Variants in DNAH14 observed in about 807,000 individuals in gnomAD.
DNAH14 encodes the protein axonemal beta dynein heavy chain 14.
Under a neutral mutation model 520.9 loss-of-function variants are expected in DNAH14, and 478 were observed. The ratio of observed to expected loss-of-function variants is 0.92; its 90% confidence interval spans 0.85 to 0.99. The LOEUF (loss-of-function observed/expected upper bound fraction) is 0.99. Among genes scored for constraint, DNAH14 ranks in the 50% least tolerant of loss-of-function variants. DNAH14 has a pLI of 0.00. For synonymous variants in DNAH14, 1,581 were observed against 1,757.2 expected (o/e 0.90, Z 2.51); for missense variants, 4,831 against 5,234.5 (o/e 0.92, Z 2.38).
chr1:225,285,067 A>G (rs975908458), intron 54 of DNAH14, among the ~76,000 whole-genome samples: 3 of 152,224 alleles, frequency 2.0e-5, no homozygotes, highest in Non-Finnish European at 4.4e-5. Flanking sequence ...AAGATTGAGA[A>G]CAAAGCAAGA....
At chr1:225,035,969 C>T (rs954219755) in intron 11 of DNAH14, among the ~76,000 whole-genome samples, 1 of 151,864 alleles carries the variant, frequency 6.6e-6, no homozygotes, top group Non-Finnish European at 1.5e-5. Context: ...GTTTATCTTT[C>T]CCTTTAGATC....
intron 41 of DNAH14, among the ~76,000 whole-genome samples, chr1:225,209,956 G>A (rs563018378): frequency 3.3e-5 from 5 of 152,254 alleles, no homozygotes; most frequent in African/African-American, 1.2e-4. Context: ...ATGAGGAACA[G>A]TGCATTCTGG....
chr1:225,079,450 A>G lies in DNAH14; in HGVS notation c.2668A>G (p.Ser890Gly). Reference protein sequence around the residue: ...FSQLKSSMKLSKINKDTAITK... With the variant: ...FSQLKSSMKLGKINKDTAITK... ...TCAACTAAAATCATCTATGAAGTTA[A>G]GTAAAATAAATAAAGACACTGCTAT... The change falls in exon 18 of 86, where the codon AGT (serine) becomes GGT (glycine). Residue 890 changes from serine to glycine, a missense_variant. Coordinates refer to ENST00000682510, the MANE Select transcript of DNAH14 (RefSeq NM_001367479.1). 6.5e-7 allele frequency: 1 copy of G among 1,548,330 alleles called. No individual in the cohort carries two copies. Among genetic ancestry groups the G allele is most frequent in the Non-Finnish European group, 8.7e-7 (1 of 1,146,188 alleles).
chr1:225,171,633 T>G (rs1391196456), intron 36 of DNAH14, among the ~76,000 whole-genome samples: 1 of 152,078 alleles, frequency 6.6e-6, no homozygotes, highest in African/African-American at 2.4e-5. Context: ...AATTAATAGC[T>G]TACCAACCAA....
Position 225,080,618 on chromosome 1 carries a change from A to C in DNAH14, c.3006A>C (p.Leu1002=). Reference sequence around the variant, plus strand: ...GTGACTTGACTTTGAGGAAAAAACTATGGGAAGCACAAGAGGAGTGGAAGC... The same window carrying C: ...GTGACTTGACTTTGAGGAAAAAACTCTGGGAAGCACAAGAGGAGTGGAAGC... The part of the protein sequence containing the change: ...IEGDLTLRKK[L]WEAQEEWKRA... Residue 1002 remains leucine (L), a synonymous_variant, in exon 19 of 86, where the codon CTA becomes CTC. Transcript: ENST00000682510. 1 of 1,552,186 alleles carries C rather than the reference A, an allele frequency of 6.4e-7. No individual in the cohort carries two copies. The highest frequency in any genetic ancestry group is 8.7e-7 in the Non-Finnish European group (1 of 1,147,092).
chr1:225,318,735 G>GT, intron 61 of DNAH14, 58 bp downstream of exon 61: 1 of 1,453,562 alleles, frequency 6.9e-7, no homozygotes, highest in South Asian at 1.3e-5. Flanking sequence ...ATAAATTCAT[G>GT]TTTACTAAGC....
rs1213696642 is a variant in DNAH14, at chr1:225,388,631, G to C, written c.13190+140G>C. ...AGCAAGGGAGGGATTCTTATCTTCT[G>C]TTTGAGCTGAGAAAGTGGGGACCTA... On this transcript the variant is annotated intron_variant, in intron 82 of 85. Transcript: ENST00000682510. 2.5e-5 allele frequency: 13 copies of C among 528,732 alleles called. No homozygotes were observed. The Admixed American group carries it at 3.6e-4, about 15-fold the overall frequency. 32.8% of individuals were successfully genotyped at this position (528,732 alleles called of 1,614,324 possible). A position where few individuals can be genotyped will look rare whatever the true frequency, so the allele number is the denominator to read the frequency against.
intron 54 of DNAH14, among the ~76,000 whole-genome samples, chr1:225,278,753 T>G (rs957863958): frequency 6.6e-6 from 1 of 152,224 alleles, no homozygotes; most frequent in Admixed American, 6.5e-5. Context: ...CTTTAGCATG[T>G]CTTTTCTAGC....
At position 225,336,037 on chromosome 1, in the gene DNAH14, A is replaced by ATATATG. The variant is rs1558441506; in HGVS notation, c.10081-1229_10081-1228insTATATG. 1.6e-4 allele frequency among the ~76,000 whole-genome samples: 16 copies of ATATATG among 100,330 alleles called. No homozygotes were observed. The East Asian group carries it at 2.3e-3, about 14-fold the overall frequency. The allele number at this position is 100,330 out of a possible 152,430, so 65.8% of individuals were successfully genotyped here. ...CATATATGCATATATGTATATACACACATATATGCATATATACATATATGT... is the reference window on the plus strand; with the variant it reads ...CATATATGCATATATGTATATACACATATATGCATATATGCATATATACATATATGT... On this transcript the variant is annotated intron_variant, in intron 66 of 85. Coordinates refer to ENST00000682510, the MANE Select transcript of DNAH14 (RefSeq NM_001367479.1).
intron 41 of DNAH14, among the ~76,000 whole-genome samples, chr1:225,213,507 A>T (rs1031680356): frequency 1.3e-5 from 2 of 152,176 alleles, no homozygotes; most frequent in Non-Finnish European, 2.9e-5. Flanking sequence ...CAGTATGGCC[A>T]TTTTCACAAT....
In DNAH14 at chr1:225,340,440, G is replaced by A; in HGVS notation, c.10434-17G>A. 1 of 1,514,942 alleles carries A rather than the reference G, an allele frequency of 6.6e-7. No homozygotes were observed. The highest frequency in any genetic ancestry group is 2.1e-5 in the Admixed American group (1 of 48,608). The allele number at this position is 1,514,942 out of a possible 1,614,324, so 93.8% of individuals were successfully genotyped here. A position where few individuals can be genotyped will look rare whatever the true frequency, so the allele number is the denominator to read the frequency against. ...TCTACATGTTCTTTGAATAACTGGT[G>A]CCTTTCTCATGTTCAGGTTATACTT... On this transcript the variant is annotated splice_polypyrimidine_tract_variant and intron_variant, in intron 68 of 85. Transcript: ENST00000682510.
chr1:225,352,237 C>A (rs1174136887), intron 72 of DNAH14, among the ~76,000 whole-genome samples: 1 of 152,040 alleles, frequency 6.6e-6, no homozygotes, highest in East Asian at 1.9e-4. Context: ...AGGATCTTAC[C>A]TTAAATTCAA....
chr1:225,249,027 C>T (rs866890501), intron 43 of DNAH14, among the ~76,000 whole-genome samples: 1 of 152,186 alleles, frequency 6.6e-6, no homozygotes, highest in South Asian at 2.1e-4. Context: ...CACTGGCAAA[C>T]ACCTTCACCT....
chr1:225,170,068 C>T (rs2082444626), intron 36 of DNAH14, among the ~76,000 whole-genome samples: 1 of 152,132 alleles, frequency 6.6e-6, no homozygotes, highest in Non-Finnish European at 1.5e-5. Flanking sequence ...CAAGCAAATG[C>T]TGAGAGATTT....
intron 8 of DNAH14, among the ~76,000 whole-genome samples, chr1:224,987,550 G>T (rs527665759): frequency 7.2e-5 from 11 of 152,138 alleles, no homozygotes; most frequent in African/African-American, 2.7e-4. Flanking sequence ...GTACTGGGTC[G>T]TTCCATGGAA....
chr1:225,394,842 TA>T (rs35980785), intron 84 of DNAH14, among the ~76,000 whole-genome samples: 15,609 of 126,496 alleles, frequency 0.12, 883 homozygotes, highest in South Asian at 0.16. Context: ...AGACTCTGTC[TA>T]AAAAAAAAAA....
intron 10 of DNAH14, among the ~76,000 whole-genome samples, chr1:225,022,344 T>C (rs2065773410): frequency 2.0e-5 from 3 of 152,070 alleles, no homozygotes; most frequent in Non-Finnish European, 2.9e-5. Context: ...ATATTCACAA[T>C]CTGTGCATCT....
intron 1 of DNAH14, among the ~76,000 whole-genome samples, chr1:224,946,273 G>C (rs552217196): frequency 6.6e-6 from 1 of 152,096 alleles, no homozygotes; most frequent in African/African-American, 2.4e-5. Flanking sequence ...AGGCTCTGTG[G>C]GTGTAGGACC....
intron 80 of DNAH14, among the ~76,000 whole-genome samples, chr1:225,381,024 CAAAAG>C (rs1011938145): frequency 1.3e-4 from 20 of 152,032 alleles, no homozygotes; most frequent in African/African-American, 4.8e-4. Context: ...TAAAAAAAAT[CAAAAG>C]AAGGAATATA....
Sources: gnomAD v4.1 joint callset for allele counts (sites outside exome capture counted in the v4.1 genomes callset) on GRCh38, gnomAD v4.1.1 for gene constraint, MANE v1.5 for transcripts, NCBI Gene and HGNC (gene_info 2026-07-23, HGNC 2026-07-21) for gene names.